The following AFF2 variants were observed in gnomAD, a reference collection of about 807,000 sequenced individuals.
AFF2 encodes the protein AF4/FMR2 family member 2.
AFF2 carries 14 observed loss-of-function variants against 76.9 expected under a neutral mutation model. That is an observed-to-expected ratio of 0.18 (90% CI 0.12 to 0.28). The LOEUF is 0.28. AFF2 is among the 10% of genes least tolerant of loss of function. The pLI is 1.00. For missense variants in AFF2, 868 were observed against 1,001.1 expected (o/e 0.87, Z 1.79); for synonymous variants, 398 against 366.7 (o/e 1.09, Z -0.98).
chrX:148,756,950 A>G, intron 3 of AFF2, among the ~76,000 whole-genome samples: 1 of 112,559 alleles, frequency 8.9e-6, no homozygotes, highest in East Asian at 2.8e-4. Flanking sequence ...ACAACATAAC[A>G]TGAGCACATG....
At chrX:148,809,113 G>C (rs782117461) in intron 3 of AFF2, among the ~76,000 whole-genome samples, 19 of 111,698 alleles carry the variant, frequency 1.7e-4, no homozygotes, top group Non-Finnish European at 3.4e-4. Flanking sequence ...CCTAAAACCT[G>C]CACAGATAAT....
chrX:148,866,173 C>T (rs1269400907), intron 7 of AFF2, among the ~76,000 whole-genome samples: 1 of 111,518 alleles, frequency 9.0e-6, no homozygotes, highest in Non-Finnish European at 1.9e-5. Context: ...ATTATTTGTG[C>T]CCCCAAACAA....
Position 148,530,013 on chromosome X carries a change from G to T in AFF2, c.47+28869G>T, listed in dbSNP as rs537882319. 5.3e-4 allele frequency among the ~76,000 whole-genome samples: 59 copies of T among 110,935 alleles called. No homozygotes were observed. In the South Asian group the frequency reaches 0.023, roughly 43 times the overall value. ...AAGTCCCTTCCCCTCTTGGTGCCCT[G>T]GTTTCCTTATCTGTAAAAAAGGGTG... is the stretch of plus-strand genomic sequence containing the variant. On this transcript the variant is annotated intron_variant, in intron 1 of 20. Transcript: ENST00000370460.
intron 3 of AFF2, among the ~76,000 whole-genome samples, chrX:148,675,355 G>T (rs1464463766): frequency 9.0e-6 from 1 of 111,339 alleles, no homozygotes; most frequent in Non-Finnish European, 1.9e-5. Context: ...GGGGCTGTAA[G>T]GTCCATGCTT....
chrX:148,669,211 A>G (rs1166271346), intron 3 of AFF2, among the ~76,000 whole-genome samples: 1 of 111,859 alleles, frequency 8.9e-6, no homozygotes, highest in East Asian at 2.8e-4. Context: ...CATTGTCCAT[A>G]TCATTATCAG....
chrX:148,502,616 T>A (rs995226474), intron 1 of AFF2, among the ~76,000 whole-genome samples: 1 of 112,669 alleles, frequency 8.9e-6, no homozygotes, highest in African/African-American at 3.2e-5. Context: ...TACTATAAAA[T>A]TATTGCTCAA....
intron 3 of AFF2, among the ~76,000 whole-genome samples, chrX:148,808,678 C>T (rs1603304715): frequency 9.0e-6 from 1 of 111,664 alleles, no homozygotes; most frequent in East Asian, 2.8e-4. Context: ...AGGCTGTCTC[C>T]CCTATTTGGG....
chrX:148,883,943 T>C (rs190071725), intron 7 of AFF2, among the ~76,000 whole-genome samples: 1 of 105,770 alleles, frequency 9.5e-6, no homozygotes, highest in Admixed American at 1.1e-4. Flanking sequence ...TACTTGAATA[T>C]AAATTAACAC....
intron 1 of AFF2, among the ~76,000 whole-genome samples, chrX:148,526,961 A>G: frequency 8.9e-6 from 1 of 112,275 alleles, no homozygotes; most frequent in Non-Finnish European, 1.9e-5. Context: ...AGTTCAGGTA[A>G]GAGTCATCAA....
intron 3 of AFF2, among the ~76,000 whole-genome samples, chrX:148,695,803 A>G (rs186482034): frequency 8.9e-6 from 1 of 112,262 alleles, no homozygotes; most frequent in African/African-American, 3.2e-5. Context: ...GATTCTGTTT[A>G]GAAATTATTA....
chrX:148,578,634 G>A (rs781928726), intron 1 of AFF2, among the ~76,000 whole-genome samples: 3 of 111,978 alleles, frequency 2.7e-5, no homozygotes, highest in African/African-American at 9.7e-5. Context: ...CCATGTTAAA[G>A]GTTGTTAGGC....
chrX:148,859,993 C>T (rs2070829188), intron 7 of AFF2, among the ~76,000 whole-genome samples: 1 of 110,923 alleles, frequency 9.0e-6, no homozygotes, highest in South Asian at 3.8e-4. Context: ...TCTATGGTGC[C>T]AAGTGATGCT....
chrX:148,952,470 A>G (rs1557286721), intron 9 of AFF2, among the ~76,000 whole-genome samples: 1 of 111,650 alleles, frequency 9.0e-6, no homozygotes. Context: ...TCCCCTCCCC[A>G]TGAGCTAAAC....
At chrX:148,781,916 C>T (rs2069751245) in intron 3 of AFF2, among the ~76,000 whole-genome samples, 1 of 111,562 alleles carries the variant, frequency 9.0e-6, no homozygotes, top group Non-Finnish European at 1.9e-5. Context: ...CCGCCCCTCA[C>T]AGCTTCCTTT....
chrX:148,519,475 G>A (rs1557234246), intron 1 of AFF2, among the ~76,000 whole-genome samples: 1 of 112,041 alleles, frequency 8.9e-6, no homozygotes, highest in African/African-American at 3.2e-5. Context: ...ACGTAGACAT[G>A]AAAATAATAC....
chrX:148,880,184 G>A (rs1557278309), intron 7 of AFF2, among the ~76,000 whole-genome samples: 1 of 111,975 alleles, frequency 8.9e-6, no homozygotes, highest in African/African-American at 3.2e-5. Flanking sequence ...GGTGGCCACT[G>A]AATCAAAGTT....
At chrX:148,884,316 T>A (rs1303645714) in intron 7 of AFF2, among the ~76,000 whole-genome samples, 2 of 112,432 alleles carry the variant, frequency 1.8e-5, no homozygotes, top group African/African-American at 6.5e-5. Flanking sequence ...TTTGCCGACC[T>A]CAGTGTACAC....
At chrX:148,819,314 C>T (rs1326968570) in intron 4 of AFF2, among the ~76,000 whole-genome samples, 3 of 111,080 alleles carry the variant, frequency 2.7e-5, no homozygotes, top group African/African-American at 9.8e-5. Flanking sequence ...GGAGTGGGAT[C>T]GCAGAGTCAT....
intron 7 of AFF2, among the ~76,000 whole-genome samples, chrX:148,885,201 G>A (rs150320500): frequency 1.2e-3 from 137 of 111,830 alleles, no homozygotes; most frequent in African/African-American, 4.1e-3. Context: ...AATCTTGAAA[G>A]TGCTAGTTCA....
Sources: gnomAD v4.1 joint callset for allele counts (sites outside exome capture counted in the v4.1 genomes callset) on GRCh38, gnomAD v4.1.1 for gene constraint, MANE v1.5 for transcripts, NCBI Gene and HGNC (gene_info 2026-07-23, HGNC 2026-07-21) for gene names.